The following LAMA2 variants were observed in gnomAD, a reference collection of about 807,000 sequenced individuals.
The protein encoded by LAMA2 is laminin subunit alpha 2.
LAMA2 carries 269 observed loss-of-function variants against 364.8 expected under a neutral mutation model. The observed-to-expected ratio is 0.74, with a 90% confidence interval of 0.67 to 0.82. The LOEUF (loss-of-function observed/expected upper bound fraction) is 0.82. Among genes scored for constraint, LAMA2 ranks in the 40% least tolerant of loss-of-function variants. The pLI, the probability that LAMA2 is intolerant of heterozygous loss-of-function variation, is 0.00. For missense variants in LAMA2, 3,807 were observed against 3,873.2 expected, an observed-to-expected ratio of 0.98 and a Z score of 0.45; for synonymous variants, 1,379 against 1,370.6, an observed-to-expected ratio of 1.01 and a Z score of -0.14.
chr6:128,950,003 T>C (rs1347724175), intron 1 of LAMA2, among the ~76,000 whole-genome samples: 5 of 152,200 alleles, frequency 3.3e-5, no homozygotes, highest in Non-Finnish European at 7.4e-5. Flanking sequence ...AATATTTTGA[T>C]TCTAAACAAA....
chr6:129,159,298 G>A (rs764897598), intron 8 of LAMA2, among the ~76,000 whole-genome samples: 8 of 152,170 alleles, frequency 5.3e-5, no homozygotes, highest in Non-Finnish European at 8.8e-5. Flanking sequence ...AGATAAAACT[G>A]TACTTCCGAT....
intron 15 of LAMA2, among the ~76,000 whole-genome samples, chr6:129,265,221 G>T (rs1256108317): frequency 2.0e-5 from 3 of 152,100 alleles, no homozygotes; most frequent in African/African-American, 7.2e-5. Context: ...ACAAGGTTTG[G>T]AGATATATGC....
intron 7 of LAMA2, among the ~76,000 whole-genome samples, chr6:129,151,784 T>G (rs1778814701): frequency 1.3e-5 from 2 of 152,158 alleles, no homozygotes; most frequent in African/African-American, 4.8e-5. Flanking sequence ...GCTGCCCCCT[T>G]GATCCAGTCT....
chr6:129,279,217 C>T (rs189273650), intron 17 of LAMA2, among the ~76,000 whole-genome samples: 39 of 152,190 alleles, frequency 2.6e-4, no homozygotes, highest in Admixed American at 1.8e-3. Flanking sequence ...GAGAGCCAGT[C>T]GAGAACGCAT....
At chr6:129,317,883 C>T (rs2114507232) in intron 27 of LAMA2, among the ~76,000 whole-genome samples, 1 of 151,958 alleles carries the variant, frequency 6.6e-6, no homozygotes, top group East Asian at 1.9e-4. Context: ...CACCTTCCTA[C>T]ACTGTGACAC....
At chr6:129,505,419 G>T in intron 61 of LAMA2, 64 bp downstream of exon 61, 2 of 1,366,568 alleles carry the variant, frequency 1.5e-6, no homozygotes, top group South Asian at 1.2e-5. Flanking sequence ...GATATATTTT[G>T]ACTTATTAGG....
chr6:129,456,764 T>C (rs1296012570), intron 48 of LAMA2, among the ~76,000 whole-genome samples: 2 of 152,204 alleles, frequency 1.3e-5, no homozygotes, highest in Non-Finnish European at 2.9e-5. Flanking sequence ...ATTCTTGTTT[T>C]AGTTGCCTCA....
chr6:128,912,339 ACTT>A (rs1321694867), intron 1 of LAMA2, among the ~76,000 whole-genome samples: 9 of 152,158 alleles, frequency 5.9e-5, no homozygotes, highest in Admixed American at 4.6e-4. Flanking sequence ...TTTTCTCACT[ACTT>A]CTTCCTTTCT....
chr6:129,057,392 T>A (rs6914652), intron 2 of LAMA2, among the ~76,000 whole-genome samples: 39,812 of 152,082 alleles, frequency 0.26, 5,361 homozygotes, highest in African/African-American at 0.31. Context: ...TTGTCCTCCA[T>A]TTTGATATTA....
chr6:129,067,592 C>A (rs1789455220), intron 3 of LAMA2, among the ~76,000 whole-genome samples: 2 of 152,184 alleles, frequency 1.3e-5, no homozygotes, highest in South Asian at 4.1e-4. Context: ...TCACACAACA[C>A]TTTCCACTAA....
rs143620488 is a variant in LAMA2, at chr6:129,278,124, C to G, written c.2451-1937C>G. On this transcript the variant is annotated intron_variant, in intron 17 of 64. Coordinates refer to ENST00000421865, the MANE Select transcript of LAMA2 (RefSeq NM_000426.4). The stretch of plus-strand genomic sequence containing the variant: ...GGCTGAGACACTAGAATCGCTTGAA[C>G]CCAGTAGGCAGGGGTTTCAGTGAGC... Among the ~76,000 whole-genome samples the G allele has an allele frequency of 3.2e-3, 480 of 152,252 alleles. 3 individuals are homozygous for G. Among genetic ancestry groups the G allele is most frequent in the African/African-American group, 0.011 (458 of 41,556 alleles).
intron 23 of LAMA2, among the ~76,000 whole-genome samples, chr6:129,314,421 T>TAAAAAAAAAAAAAAAA (rs1774442307): frequency 1.1e-5 from 1 of 94,618 alleles, no homozygotes; most frequent in African/African-American, 4.0e-5. Flanking sequence ...AAAAAAAAAG[T>TAAAAAAAAAAAAAAAA]ACAATACCTT....
intron 1 of LAMA2, among the ~76,000 whole-genome samples, chr6:129,009,519 A>G (rs1784640365): frequency 6.6e-6 from 1 of 152,188 alleles, no homozygotes; most frequent in South Asian, 2.1e-4. Flanking sequence ...AAAAGTGTGG[A>G]GTCATTAATT....
intron 29 of LAMA2, among the ~76,000 whole-genome samples, chr6:129,331,269 C>G (rs145788474): frequency 5.9e-4 from 90 of 152,220 alleles, no homozygotes; most frequent in Non-Finnish European, 1.1e-3. Context: ...TCAAATGGAC[C>G]CTTTGTGCTG....
chr6:129,350,333 G>A (rs1448881406), intron 31 of LAMA2, among the ~76,000 whole-genome samples: 1 of 152,126 alleles, frequency 6.6e-6, no homozygotes, highest in African/African-American at 2.4e-5. Context: ...TCATTGATAG[G>A]CCACCTACTT....
intron 1 of LAMA2, among the ~76,000 whole-genome samples, chr6:128,989,011 G>A (rs903536525): frequency 3.9e-5 from 6 of 152,240 alleles, no homozygotes; most frequent in Admixed American, 2.0e-4. Flanking sequence ...AATGTTGGTG[G>A]TATATAGATG....
rs1780678192 is a variant in LAMA2 at position 129,177,644 on chromosome 6, CT to C, written c.1307-59del. The C allele has an allele frequency of 2.6e-6, 4 of 1,549,052 alleles. No homozygotes were observed. The East Asian group carries it at 6.7e-5, about 26-fold the overall frequency. On this transcript the variant is annotated intron_variant, in intron 9 of 64. Coordinates refer to ENST00000421865, the MANE Select transcript of LAMA2 (RefSeq NM_000426.4). Reference sequence around the variant, plus strand: ...ATTTTAAAGGTTACTGTCATTAAAACTTTAACAACTAAATTATGTACTTGTT... The same window carrying C: ...ATTTTAAAGGTTACTGTCATTAAAACTTAACAACTAAATTATGTACTTGTT...
chr6:129,432,211 C>T (rs1267068876), intron 41 of LAMA2, among the ~76,000 whole-genome samples: 8 of 152,128 alleles, frequency 5.3e-5, no homozygotes, highest in Non-Finnish European at 1.0e-4. Context: ...GGTGAAATTG[C>T]TGATCCCTCA....
chr6:129,419,154 T>C (rs886626446), intron 40 of LAMA2, among the ~76,000 whole-genome samples: 1 of 152,168 alleles, frequency 6.6e-6, no homozygotes, highest in Non-Finnish European at 1.5e-5. Context: ...GCCTTAGATG[T>C]ATTTAAAAGT....
Sources: allele counts gnomAD v4.1 joint callset (sites outside exome capture counted in the v4.1 genomes callset), GRCh38; gene constraint gnomAD v4.1.1; transcripts MANE v1.5; gene names NCBI Gene and HGNC (gene_info 2026-07-23, HGNC 2026-07-21).